Variants in ZNF875 observed in about 807,000 individuals in gnomAD.
The protein encoded by ZNF875 is HKR1, GLI-Kruppel zinc finger family member.
ZNF875 carries 14 observed loss-of-function variants against 11.2 expected under a neutral mutation model. The observed-to-expected ratio is 1.26, with a 90% CI of 0.83 to 1.96. The LOEUF (loss-of-function observed/expected upper bound fraction) is 1.96. Among genes scored for constraint, ZNF875 ranks in the 30% most tolerant of loss-of-function variants. The pLI, the probability that ZNF875 is intolerant of heterozygous loss-of-function variation, is 0.00. For synonymous variants in ZNF875, 301 were observed against 281.1 expected (o/e 1.07, Z -0.71); for missense variants, 752 against 760.4 (o/e 0.99, Z 0.13).
intron 4 of ZNF875, among the ~76,000 whole-genome samples, chr19:37,359,007 T>C (rs372795871): frequency 1.0e-3 from 153 of 152,090 alleles, no homozygotes; most frequent in African/African-American, 3.3e-3. Flanking sequence ...TTCAAGTGAT[T>C]CTCCTGCCTC....
chr19:37,322,920 A>G (rs1263992150), intron 2 of ZNF875, among the ~76,000 whole-genome samples: 4 of 151,928 alleles, frequency 2.6e-5, no homozygotes, highest in Non-Finnish European at 4.4e-5. Context: ...CCAAAGCCTA[A>G]TGCCCACCTC....
upstream of ZNF875, among the ~76,000 whole-genome samples, chr19:37,330,495 T>C (rs1323733560): frequency 5.3e-5 from 8 of 152,218 alleles, no homozygotes; most frequent in Non-Finnish European, 1.0e-4. Flanking sequence ...CTTAATGTGC[T>C]CTTCCTGCCT....
intron 1 of ZNF875, among the ~76,000 whole-genome samples, chr19:37,319,493 A>C (rs748496901): frequency 6.6e-6 from 1 of 151,766 alleles, no homozygotes; most frequent in African/African-American, 2.4e-5. Context: ...CTCTATCTTC[A>C]TGAAGTGTGA....
intron 2 of ZNF875, chr19:37,345,099 C>CAGTG: frequency 4.6e-6 from 1 of 215,270 alleles, no homozygotes; most frequent in East Asian, 9.2e-5. Flanking sequence ...TACTCTGACC[C>CAGTG]AGTGATTCAC....
chr19:37,363,581 A>AT lies in ZNF875; in HGVS notation c.1729_1730insT (p.Lys577IlefsTer22), dbSNP rs759193950. The AT allele has an allele frequency of 5.0e-6, 8 of 1,613,504 alleles. No individual in the cohort carries two copies. Among genetic ancestry groups the AT allele is most frequent in the Non-Finnish European group, 6.8e-6 (8 of 1,179,880 alleles). On this transcript the variant is annotated frameshift_variant, in exon 5 of 5. Transcript: ENST00000392153. LOFTEE classifies it low-confidence loss of function (END_TRUNC). The stretch of plus-strand genomic sequence containing the variant: ...CTTTTGTGCTAAGTTAACTCTCATT[A>AT]AACACCAGAGAGCACACGCAGGGGG...
At chr19:37,327,969 C>T (rs1224779736) in intron 4 of ZNF875, among the ~76,000 whole-genome samples, 1 of 150,462 alleles carries the variant, frequency 6.6e-6, no homozygotes, top group Non-Finnish European at 1.5e-5. Context: ...AGACCAGGTG[C>T]GGTGGCTCAT....
upstream of ZNF875, among the ~76,000 whole-genome samples, chr19:37,331,426 T>C: frequency 6.6e-6 from 1 of 151,586 alleles, no homozygotes; most frequent in Non-Finnish European, 1.5e-5. Context: ...ATTGTTACTG[T>C]GTCTGTGTAG....
chr19:37,316,284 G>T (rs1306544078), upstream of ZNF875, among the ~76,000 whole-genome samples: 1 of 152,232 alleles, frequency 6.6e-6, no homozygotes, highest in Non-Finnish European at 1.5e-5. Flanking sequence ...GTTCAGTTTT[G>T]CAAAGACGGA....
upstream of ZNF875, among the ~76,000 whole-genome samples, chr19:37,331,745 T>A (rs376400423): frequency 2.1e-3 from 302 of 146,666 alleles, 3 homozygotes; most frequent in African/African-American, 6.9e-3. Context: ...TCTCCCCATG[T>A]GATAGTCTGA....
upstream of ZNF875, chr19:37,312,950 C>T (rs1272546108): frequency 1.3e-5 from 2 of 152,168 alleles, no homozygotes; most frequent in Middle Eastern, 3.2e-3. Context: ...GAGGAGCGCT[C>T]CTGTGTCTTT....
chr19:37,342,453 C>T (rs2035920097), intron 2 of ZNF875, among the ~76,000 whole-genome samples: 2 of 147,500 alleles, frequency 1.4e-5, no homozygotes, highest in South Asian at 4.2e-4. Flanking sequence ...ACTCTTGTTG[C>T]CCAGGCTGGA....
upstream of ZNF875, among the ~76,000 whole-genome samples, chr19:37,331,019 T>C (rs1437219036): frequency 6.6e-6 from 1 of 151,768 alleles, no homozygotes; most frequent in Non-Finnish European, 1.5e-5. Flanking sequence ...ACCCGATCTC[T>C]ACTAAAAATA....
chr19:37,363,250 C>T lies in ZNF875; in HGVS notation c.1398C>T (p.Asn466=). 6.2e-7 allele frequency: 1 copy of T among 1,613,560 alleles called. No homozygotes were observed. Among genetic ancestry groups the T allele is most frequent in the Non-Finnish European group, 8.5e-7 (1 of 1,179,840 alleles). Residue 466 remains asparagine, a synonymous_variant, in exon 5 of 5, where the codon AAC becomes AAT. Coordinates refer to ENST00000392153, the MANE Select transcript of ZNF875 (RefSeq NM_001353803.2). ...GCTTTAGCCTGAAGTCAAACCTTAA[C>T]AAACACCAGAGGTCACACACGGGGG... is the stretch of plus-strand genomic sequence containing the variant. ...GQCFSLKSNL[N]KHQRSHTGEK... is the part of the protein sequence containing the mutation.
chr19:37,353,464 A>T (rs967528623), intron 4 of ZNF875, among the ~76,000 whole-genome samples: 30 of 152,200 alleles, frequency 2.0e-4, no homozygotes, highest in African/African-American at 7.2e-4. Context: ...ATTAAGGTAA[A>T]TGTATGTAGA....
rs1568668186 is a variant in ZNF875 at position 37,362,773 on chromosome 19, G to GA, written c.924dup (p.Pro309ThrfsTer40). ...CACATCAGAGGACACACTCAGGGGA[G>GA]AAACCTTATGTGTGCAAGGATTGTG... On this transcript the variant is annotated frameshift_variant, in exon 5 of 5. Transcript: ENST00000392153. LOFTEE classifies it low-confidence loss of function (END_TRUNC). The GA allele has an allele frequency of 6.2e-7, 1 of 1,613,090 alleles. No individual in the cohort carries two copies. The highest frequency in any genetic ancestry group is 8.5e-7 in the Non-Finnish European group (1 of 1,179,632).
At chr19:37,318,524 C>CTTTT (rs1233207140) in intron 1 of ZNF875, among the ~76,000 whole-genome samples, 140 of 139,038 alleles carry the variant, frequency 1.0e-3, no homozygotes, top group African/African-American at 3.5e-3. Flanking sequence ...TATTTGTTTT[C>CTTTT]TTTTTTTTTT....
At chr19:37,347,723 A>G in intron 3 of ZNF875, 54 bp from the exon 4 acceptor site, 2 of 1,097,484 alleles carry the variant, frequency 1.8e-6, no homozygotes, top group Non-Finnish European at 2.8e-6. Context: ...GAGTTCTAGA[A>G]TGCCCTCTTG....
chr19:37,315,197 T>C (rs973610024), upstream of ZNF875: 1 of 152,212 alleles, frequency 6.6e-6, no homozygotes, highest in African/African-American at 2.4e-5. Flanking sequence ...TATTAAATGT[T>C]GCATGTGCAG....
intron 4 of ZNF875, among the ~76,000 whole-genome samples, chr19:37,361,118 T>G (rs1053376694): frequency 1.4e-5 from 2 of 146,654 alleles, no homozygotes; most frequent in African/African-American, 5.0e-5. Flanking sequence ...CCTTTTTTTT[T>G]TTTTTTTTTT....
Sources: allele counts gnomAD v4.1 joint callset (sites outside exome capture counted in the v4.1 genomes callset), GRCh38; gene constraint gnomAD v4.1.1; transcripts MANE v1.5; gene names NCBI Gene and HGNC (gene_info 2026-07-23, HGNC 2026-07-21).